The following ITGA9 variants were observed in gnomAD, a reference collection of about 807,000 sequenced individuals.
ITGA9 encodes integrin alpha-9.
ITGA9 carries 56 observed loss-of-function variants against 127.8 expected under a neutral mutation model. The ratio of observed to expected loss-of-function variants is 0.44; its 90% CI spans 0.35 to 0.55. ITGA9 has a LOEUF of 0.55. Ranked by LOEUF, ITGA9 falls within the 20% of genes least tolerant of loss-of-function variation. ITGA9 has a pLI of 0.00. For missense variants in ITGA9, 1,196 were observed against 1,347.1 expected, an observed-to-expected ratio of 0.89 and a Z score of 1.76; for synonymous variants, 508 against 514.5, an observed-to-expected ratio of 0.99 and a Z score of 0.17.
chr3:37,680,033 TG>T (rs1244757485), intron 17 of ITGA9, among the ~76,000 whole-genome samples: 1 of 152,122 alleles, frequency 6.6e-6, no homozygotes, highest in Non-Finnish European at 1.5e-5. Context: ...AAGGATCCCC[TG>T]GGGACATGAT....
intron 4 of ITGA9, among the ~76,000 whole-genome samples, chr3:37,489,333 G>C (rs1391426493): frequency 6.6e-6 from 1 of 152,248 alleles, no homozygotes; most frequent in Non-Finnish European, 1.5e-5. Flanking sequence ...TGGGAGCCTT[G>C]CTCTTGGGTC....
intron 4 of ITGA9, among the ~76,000 whole-genome samples, chr3:37,492,130 G>A (rs1698679783): frequency 6.6e-6 from 1 of 151,996 alleles, no homozygotes; most frequent in Non-Finnish European, 1.5e-5. Flanking sequence ...TACCTTGAAG[G>A]GATTAATGAC....
At chr3:37,490,772 C>G (rs1386016130) in intron 4 of ITGA9, among the ~76,000 whole-genome samples, 1 of 152,076 alleles carries the variant, frequency 6.6e-6, no homozygotes, top group Admixed American at 6.6e-5. Flanking sequence ...ATAAAACCAG[C>G]AGCTAAACCA....
At chr3:37,658,041 C>T (rs543719217) in intron 17 of ITGA9, among the ~76,000 whole-genome samples, 1 of 152,294 alleles carries the variant, frequency 6.6e-6, no homozygotes, top group Non-Finnish European at 1.5e-5. Flanking sequence ...AATTTGATTT[C>T]ACTGTGGTCT....
chr3:37,796,467 T>TTGGATGGA (rs201148519), intron 26 of ITGA9, among the ~76,000 whole-genome samples: 4,125 of 151,060 alleles, frequency 0.027, 196 homozygotes, highest in African/African-American at 0.094. Context: ...TGTTGGTTGG[T>TTGGATGGA]TGGATGGATG....
chr3:37,804,673 C>CAT (rs762636836), intron 27 of ITGA9, among the ~76,000 whole-genome samples: 1 of 152,170 alleles, frequency 6.6e-6, no homozygotes, highest in African/African-American at 2.4e-5. Context: ...CACCAGGGAC[C>CAT]ATAACTGCAA....
intron 24 of ITGA9, 129 bp from the exon 25 acceptor site, chr3:37,779,770 ATCT>A (rs1696953394): frequency 1.2e-6 from 1 of 865,542 alleles, no homozygotes; most frequent in African/African-American, 1.7e-5. Context: ...GAACGATTGC[ATCT>A]TCTTGTGGAT....
chr3:37,694,850 T>A (rs1700867560), intron 18 of ITGA9, among the ~76,000 whole-genome samples: 1 of 152,212 alleles, frequency 6.6e-6, no homozygotes, highest in African/African-American at 2.4e-5. Context: ...CTAAGGCGAA[T>A]AAAATAAAAT....
intron 18 of ITGA9, among the ~76,000 whole-genome samples, chr3:37,697,076 A>G (rs1024153506): frequency 4.6e-5 from 7 of 152,180 alleles, no homozygotes; most frequent in African/African-American, 1.7e-4. Context: ...AGAGGCTGCC[A>G]TGGCCTAAGA....
intron 18 of ITGA9, among the ~76,000 whole-genome samples, chr3:37,725,607 A>G (rs1696180835): frequency 6.6e-6 from 1 of 152,344 alleles, no homozygotes; most frequent in Non-Finnish European, 1.5e-5. Flanking sequence ...GGCAAGTGAT[A>G]TAACTTCACA....
At chr3:37,592,181 T>C (rs1451043499) in intron 15 of ITGA9, among the ~76,000 whole-genome samples, 1 of 152,166 alleles carries the variant, frequency 6.6e-6, no homozygotes, top group East Asian at 1.9e-4. Context: ...TTAGCCTCCA[T>C]TAAGAAAAAG....
intron 26 of ITGA9, among the ~76,000 whole-genome samples, chr3:37,787,518 C>A (rs897248201): frequency 4.6e-5 from 7 of 152,108 alleles, no homozygotes; most frequent in Admixed American, 4.6e-4. Context: ...AAAAAATTAA[C>A]ACACATGGGA....
rs753124626 is a variant in ITGA9, at chr3:37,519,303, G to A, written c.1185G>A (p.Ala395=). 14 of 1,614,100 alleles carry A rather than the reference G, an allele frequency of 8.7e-6. No individual in the cohort carries two copies. Among genetic ancestry groups the A allele is most frequent in the Middle Eastern group, 1.6e-4 (1 of 6,062 alleles). ...CCAAGGAGGATGACTTCGCAGGGGCGGTCTATATCTATCATGGTGATGCCG... is the reference window on the plus strand; with the variant it reads ...CCAAGGAGGATGACTTCGCAGGGGCAGTCTATATCTATCATGGTGATGCCG... ...GAPKEDDFAG[A]VYIYHGDAGG... The change falls in exon 11 of 28, where the codon GCG becomes GCA. Residue 395 remains alanine, a synonymous_variant. Coordinates refer to ENST00000264741, the MANE Select transcript of ITGA9 (RefSeq NM_002207.3).
At chr3:37,502,745 C>G (rs1207680285) in intron 5 of ITGA9, among the ~76,000 whole-genome samples, 1 of 152,166 alleles carries the variant, frequency 6.6e-6, no homozygotes, top group Non-Finnish European at 1.5e-5. Flanking sequence ...CGCTACGCAT[C>G]AGGTCGGGGG....
chr3:37,614,948 A>G (rs978995304), intron 15 of ITGA9, among the ~76,000 whole-genome samples: 15 of 152,048 alleles, frequency 9.9e-5, no homozygotes, highest in African/African-American at 3.4e-4. Context: ...CTAATTGAAT[A>G]CCCTTTATTT....
intron 23 of ITGA9, among the ~76,000 whole-genome samples, chr3:37,767,966 T>C (rs1299395798): frequency 1.3e-5 from 2 of 152,228 alleles, no homozygotes; most frequent in African/African-American, 4.8e-5. Context: ...TCTGGCCTTA[T>C]ATTAAATAGT....
chr3:37,699,133 C>T (rs1041724059), intron 18 of ITGA9, among the ~76,000 whole-genome samples: 32 of 152,140 alleles, frequency 2.1e-4, no homozygotes, highest in African/African-American at 4.6e-4. Context: ...CCTCAGGGTG[C>T]GGTCCTGAGA....
At chr3:37,475,386 C>T (rs1698483037) in intron 3 of ITGA9, among the ~76,000 whole-genome samples, 1 of 152,176 alleles carries the variant, frequency 6.6e-6, no homozygotes, top group African/African-American at 2.4e-5. Context: ...GGAAGGATAA[C>T]CTCTCTGTGG....
intron 5 of ITGA9, among the ~76,000 whole-genome samples, chr3:37,497,088 T>A (rs1406406219): frequency 6.6e-6 from 1 of 152,234 alleles, no homozygotes; most frequent in Non-Finnish European, 1.5e-5. Context: ...TTTAAAATAT[T>A]GACCATTTGT....
Sources: gnomAD v4.1 joint callset for allele counts (sites outside exome capture counted in the v4.1 genomes callset) on GRCh38, gnomAD v4.1.1 for gene constraint, MANE v1.5 for transcripts, NCBI Gene and HGNC (gene_info 2026-07-23, HGNC 2026-07-21) for gene names.